The following NRG1 variants were observed in gnomAD, a reference collection of about 807,000 sequenced individuals.
The protein encoded by NRG1 is neuregulin 1, also known as pro-neuregulin-1, membrane-bound isoform.
In NRG1, 18 loss-of-function variants were observed where a neutral mutation model predicts 63.8. The ratio of observed to expected loss-of-function variants is 0.28; its 90% CI spans 0.19 to 0.42. NRG1 has a LOEUF of 0.42. NRG1 is among the 10% of genes least tolerant of loss of function. NRG1 has a pLI of 1.00. For synonymous variants in NRG1, 302 were observed against 301.3 expected, an observed-to-expected ratio of 1.00 and a Z score of -0.02; for missense variants, 762 against 814.7, an observed-to-expected ratio of 0.94 and a Z score of 0.79.
intron 1 of NRG1, among the ~76,000 whole-genome samples, chr8:31,999,062 T>C (rs1434703007): frequency 6.6e-6 from 1 of 151,818 alleles, no homozygotes; most frequent in South Asian, 2.1e-4. Context: ...TTTTCTTTTC[T>C]TTTTTTGGTA....
At chr8:31,924,189 C>T (rs1282113614) in intron 1 of NRG1, among the ~76,000 whole-genome samples, 1 of 150,676 alleles carries the variant, frequency 6.6e-6, no homozygotes, top group Non-Finnish European at 1.5e-5. Flanking sequence ...CCTGTCTCTA[C>T]TGAAAAAAAA....
At chr8:32,017,637 A>G (rs1006163282) in intron 1 of NRG1, among the ~76,000 whole-genome samples, 1 of 152,204 alleles carries the variant, frequency 6.6e-6, no homozygotes, top group African/African-American at 2.4e-5. Flanking sequence ...TGTTCAATGA[A>G]TTTGCTAGAG....
At chr8:31,719,233 T>C (rs1812665951) in intron 1 of NRG1, among the ~76,000 whole-genome samples, 1 of 152,208 alleles carries the variant, frequency 6.6e-6, no homozygotes, top group South Asian at 2.1e-4. Flanking sequence ...CTTCTTCCTT[T>C]AATCTCATTT....
intron 1 of NRG1, among the ~76,000 whole-genome samples, chr8:32,448,663 A>G (rs1447050390): frequency 1.4e-5 from 2 of 147,522 alleles, no homozygotes; most frequent in East Asian, 3.9e-4. Context: ...TCCTACGTCA[A>G]TTAGCTATTT....
chr8:32,435,487 T>G (rs570772303), intron 1 of NRG1, among the ~76,000 whole-genome samples: 1 of 152,206 alleles, frequency 6.6e-6, no homozygotes, highest in South Asian at 2.1e-4. Context: ...GCTAGCAGAG[T>G]TAGAGAATAG....
intron 1 of NRG1, among the ~76,000 whole-genome samples, chr8:32,353,933 G>T (rs1447841191): frequency 6.6e-6 from 1 of 152,200 alleles, no homozygotes; most frequent in Non-Finnish European, 1.5e-5. Flanking sequence ...TCTATCAGCA[G>T]GTGAGCGGAT....
At chr8:32,715,104 G>A (rs138909970) in intron 5 of NRG1, among the ~76,000 whole-genome samples, 6 of 152,024 alleles carry the variant, frequency 3.9e-5, no homozygotes, top group East Asian at 1.9e-4. Context: ...CCACAGGCAC[G>A]CACCACCATG....
chr8:32,295,411 A>G (rs1335853775), intron 1 of NRG1, among the ~76,000 whole-genome samples: 2 of 152,210 alleles, frequency 1.3e-5, no homozygotes, highest in Admixed American at 6.5e-5. Context: ...TGGTAGGAAA[A>G]TTGCTTTACA....
intron 1 of NRG1, among the ~76,000 whole-genome samples, chr8:32,377,781 T>A (rs1809809893): frequency 6.6e-6 from 1 of 152,132 alleles, no homozygotes; most frequent in Non-Finnish European, 1.5e-5. Context: ...TGCCTAGAAA[T>A]GTATTTTAGT....
intron 5 of NRG1, among the ~76,000 whole-genome samples, chr8:32,686,887 G>C (rs73675412): frequency 0.019 from 2,917 of 152,230 alleles, 106 homozygotes; most frequent in African/African-American, 0.067. Flanking sequence ...ATGATACAGC[G>C]ATACCACAAA....
At chr8:31,943,754 T>C (rs1802119296) in intron 1 of NRG1, among the ~76,000 whole-genome samples, 1 of 152,172 alleles carries the variant, frequency 6.6e-6, no homozygotes, top group Non-Finnish European at 1.5e-5. Flanking sequence ...GTAGCCATTT[T>C]TCTGGCTAAA....
At chr8:32,684,567 A>G (rs188241417) in intron 5 of NRG1, among the ~76,000 whole-genome samples, 1 of 152,076 alleles carries the variant, frequency 6.6e-6, no homozygotes, top group African/African-American at 2.4e-5. Context: ...TTTTTCACAA[A>G]TTTTTTACTA....
chr8:32,509,073 TCC>T (rs1828872556), intron 1 of NRG1, among the ~76,000 whole-genome samples: 2 of 100,200 alleles, frequency 2.0e-5, no homozygotes, highest in Non-Finnish European at 2.1e-5. Flanking sequence ...TTTTTTCTTT[TCC>T]TATTTTATTT....
At chr8:31,795,753 G>A (rs993964784) in intron 1 of NRG1, among the ~76,000 whole-genome samples, 3 of 152,100 alleles carry the variant, frequency 2.0e-5, no homozygotes, top group Non-Finnish European at 4.4e-5. Context: ...ATGTTGGGCA[G>A]CCTCCTAGTG....
rs1265247562 is a variant in NRG1 at position 32,371,979 on chromosome 8, TTTC to T, written c.38-223839_38-223837del. Among the ~76,000 whole-genome samples the T allele has an allele frequency of 3.7e-5, 5 of 136,216 alleles. No individual in the cohort carries two copies. The East Asian group carries it at 1.1e-3, about 29-fold the overall frequency. 89.4% of individuals were successfully genotyped at this position (136,216 alleles called of 152,430 possible). Reference sequence around the variant, plus strand: ...AATTTTTTTCTTTCTTTCTTTCTTTTTTCTTCTTCTTCATTTTTTTTTTTTTTT... The same window carrying T: ...AATTTTTTTCTTTCTTTCTTTCTTTTTTCTTCTTCATTTTTTTTTTTTTTT... On this transcript the variant is annotated intron_variant, in intron 1 of 10. Coordinates refer to the NRG1 transcript ENST00000519301.
chr8:32,172,513 G>A (rs1840186248), intron 1 of NRG1, among the ~76,000 whole-genome samples: 1 of 152,040 alleles, frequency 6.6e-6, no homozygotes, highest in Non-Finnish European at 1.5e-5. Flanking sequence ...TTTGATGAGA[G>A]AAGAAGGCTT....
At position 32,407,275 on chromosome 8, in the gene NRG1, TTATATATATATATATATA is replaced by T. The variant is rs529128261; in HGVS notation, c.38-188551_38-188534del. 4.6e-3 allele frequency among the ~76,000 whole-genome samples: 221 copies of T among 47,554 alleles called. 1 individual carries two copies. Among genetic ancestry groups the T allele is most frequent in the African/African-American group, 0.011 (160 of 14,230 alleles). 31.2% of individuals were successfully genotyped at this position (47,554 alleles called of 152,430 possible). A position where few individuals can be genotyped will look rare whatever the true frequency, so the allele number is the denominator to read the frequency against. On this transcript the variant is annotated intron_variant, in intron 1 of 10. Transcript: ENST00000519301. Reference sequence around the variant, plus strand: ...ATATATGTGTGTGTGTATATATATATTATATATATATATATATATTATATATATATATATATATATATA... The same window carrying T: ...ATATATGTGTGTGTGTATATATATATTTATATATATATATATATATATATA...
At chr8:31,751,626 A>G (rs1236778320) in intron 1 of NRG1, among the ~76,000 whole-genome samples, 7 of 152,010 alleles carry the variant, frequency 4.6e-5, no homozygotes, top group Non-Finnish European at 1.0e-4. Flanking sequence ...ATACATTATT[A>G]TAGTTGTGGT....
intron 1 of NRG1, among the ~76,000 whole-genome samples, chr8:32,044,930 A>AAAAAC (rs1554610208): frequency 1.3e-4 from 18 of 137,122 alleles, no homozygotes; most frequent in African/African-American, 4.4e-4. Context: ...AAAAAAAAAA[A>AAAAAC]ACACACACAC....
Sources: gnomAD v4.1 joint callset for allele counts (sites outside exome capture counted in the v4.1 genomes callset) on GRCh38, gnomAD v4.1.1 for gene constraint, MANE v1.5 for transcripts, NCBI Gene and HGNC (gene_info 2026-07-23, HGNC 2026-07-21) for gene names.